SPATA25: variants seen among roughly 807,000 people sequenced by gnomAD.
SPATA25 encodes spermatogenesis associated 25.
SPATA25 carries 16 observed loss-of-function variants against 16.0 expected under a neutral mutation model. The ratio of observed to expected loss-of-function variants is 1.00; its 90% CI spans 0.68 to 1.52. The LOEUF (loss-of-function observed/expected upper bound fraction) is 1.52. Ranked by LOEUF, SPATA25 falls within the 40% of genes most tolerant of loss-of-function variation. SPATA25 has a pLI of 0.00. For synonymous variants in SPATA25, 115 were observed against 118.5 expected, an observed-to-expected ratio of 0.97 and a Z score of 0.19; for missense variants, 285 against 289.2, an observed-to-expected ratio of 0.99 and a Z score of 0.11.
chr20:45,888,957 C>T, upstream of SPATA25: 1 of 1,527,100 alleles, frequency 6.5e-7, no homozygotes. Flanking sequence ...TCATGGTCCC[C>T]ACTTTGTCAT....
At position 45,887,044 on chromosome 20, in the gene SPATA25, G is replaced by C; in HGVS notation, c.157C>G (p.Gln53Glu). 1.2e-6 allele frequency: 2 copies of C among 1,611,168 alleles called. No homozygotes were observed. Among genetic ancestry groups the C allele is most frequent in the Non-Finnish European group, 1.7e-6 (2 of 1,180,012 alleles). ...CAGGCCTGGGCAGCAGGTGCCACCT[G>C]CTCAGCTTTCTGGCTCAGTGGGCCT... ...GTGPLSQKAE[Q>E]VAPAAQAWGP... Residue 53 changes from glutamine (Q) to glutamate (E), a missense_variant, in exon 2 of 2, where the codon CAG becomes GAG. Physicochemically the swap from Gln to Glu is conservative, Grantham distance 29 (BLOSUM62 2). Coordinates refer to ENST00000372519, the MANE Select transcript of SPATA25 (RefSeq NM_080608.4).
At chr20:45,890,450 A>C, upstream of SPATA25, 1 of 1,607,126 alleles carries the variant, frequency 6.2e-7, no homozygotes, top group Non-Finnish European at 8.5e-7. Context: ...GGTCGGAGGC[A>C]GCACGTTCAG....
chr20:45,887,497 C>G (rs1428353246), intron 1 of SPATA25, 39 bp downstream of exon 1: 2 of 1,602,596 alleles, frequency 1.2e-6, no homozygotes, highest in Non-Finnish European at 8.5e-7. Context: ...TCAGGGGAAG[C>G]TGCCGCACTC....
chr20:45,889,357 C>CTTT (rs10709455), upstream of SPATA25, among the ~76,000 whole-genome samples: 155 of 145,736 alleles, frequency 1.1e-3, no homozygotes, highest in African/African-American at 3.8e-3. Context: ...TCTTTTCTTT[C>CTTT]TTTTTTTTTT....
upstream of SPATA25, chr20:45,890,156 G>A (rs1227386103): frequency 7.9e-6 from 11 of 1,388,870 alleles, no homozygotes; most frequent in Admixed American, 5.3e-5. Context: ...AACTAGTGCC[G>A]GACAGACGAA....
At chr20:45,890,589 G>A (rs1159549952), upstream of SPATA25, 1 of 1,612,472 alleles carries the variant, frequency 6.2e-7, no homozygotes, top group South Asian at 1.1e-5. Flanking sequence ...GGTCGGCTGG[G>A]GGCCGCTGCC....
rs766872004 is a variant in SPATA25 at position 45,886,633 on chromosome 20, C to G, written c.568G>C (p.Glu190Gln). The G allele has an allele frequency of 6.2e-7, 1 of 1,614,078 alleles. No individual in the cohort carries two copies. Residue 190 changes from glutamate (E) to glutamine (Q), a missense_variant, in exon 2 of 2, where the codon GAG becomes CAG. Physicochemically the swap from Glu to Gln is conservative, Grantham distance 29 (BLOSUM62 2). Transcript: ENST00000372519. Reference protein sequence around the residue: ...AAQAFMMAHPEPEGAVEGARW... With the variant: ...AAQAFMMAHPQPEGAVEGARW... ...GCCCCCTCCACAGCACCCTCTGGCT[C>G]CGGATGGGCCATCATGAAAGCTTGA...
chr20:45,890,707 G>T (rs771151561), upstream of SPATA25: 2 of 1,613,732 alleles, frequency 1.2e-6, no homozygotes, highest in Admixed American at 3.3e-5. Flanking sequence ...ACTCGGGAAC[G>T]GGGGCCAGAC....
upstream of SPATA25, chr20:45,890,733 C>A: frequency 6.2e-7 from 1 of 1,613,282 alleles, no homozygotes; most frequent in African/African-American, 1.3e-5. Context: ...GGGTCCAGCG[C>A]GGTCAGACCG....
upstream of SPATA25, chr20:45,888,996 T>G: frequency 8.9e-7 from 1 of 1,122,130 alleles, no homozygotes; most frequent in East Asian, 2.6e-5. Flanking sequence ...TACTGCTCTC[T>G]GGGCCCAGCC....
In SPATA25 at chr20:45,887,002, T is replaced by C. The variant is rs148222282; in HGVS notation, c.199A>G (p.Met67Val). The C allele has an allele frequency of 6.2e-7, 1 of 1,613,626 alleles. No homozygotes were observed. The highest frequency in any genetic ancestry group is 1.1e-5 in the South Asian group (1 of 91,084). The change falls in exon 2 of 2, where the codon ATG becomes GTG. Residue 67 changes from methionine to valine, a missense_variant. Physicochemically the swap from Met to Val is conservative, Grantham distance 21 (BLOSUM62 1). Coordinates refer to ENST00000372519, the MANE Select transcript of SPATA25 (RefSeq NM_080608.4). Reference sequence around the variant, plus strand: ...CCAGGGCAGCCCCTGGCTTGTGGCATTGCCAGGGCTGGGCCCCAGGCCTGG... The same window carrying C: ...CCAGGGCAGCCCCTGGCTTGTGGCACTGCCAGGGCTGGGCCCCAGGCCTGG... ...AAQAWGPALA[M>V]PQARGCPGGT...
Position 45,886,551 on chromosome 20 carries a change from G to A in SPATA25, c.650C>T (p.Ser217Phe). ...TASGKMPLVR[S>F]KRGQPPGSCL ...GGAGCCAGGAGGCTGGCCCCTTTTA[G>A]ATCTCACTAGGGGCATCTTCCCAGA... The change falls in exon 2 of 2, where the codon TCT (serine) becomes TTT (phenylalanine). Residue 217 changes from serine (S) to phenylalanine (F), a missense_variant. Ser to Phe is a radical substitution (Grantham distance 155). Coordinates refer to ENST00000372519, the MANE Select transcript of SPATA25 (RefSeq NM_080608.4). 6.3e-7 allele frequency: 1 copy of A among 1,593,208 alleles called. No homozygotes were observed. Among genetic ancestry groups the A allele is most frequent in the Non-Finnish European group, 8.6e-7 (1 of 1,165,802 alleles).
chr20:45,889,318 A>G (rs1343471891), upstream of SPATA25, among the ~76,000 whole-genome samples: 1 of 152,042 alleles, frequency 6.6e-6, no homozygotes, highest in Non-Finnish European at 1.5e-5. Flanking sequence ...CCAATAGCCA[A>G]TATGCCCAAG....
In SPATA25 at chr20:45,887,147, T is replaced by C. The variant is rs938043298; in HGVS notation, c.56-2A>G. On this transcript the variant is annotated splice_acceptor_variant, in intron 1 of 1. Transcript: ENST00000372519. LOFTEE classifies it high-confidence loss of function. ...ACAAGCCTGGAGAAGCAGCCCCACCTGCAGAGACAGGAATGAAATGGAACG... is the reference window on the plus strand; with the variant it reads ...ACAAGCCTGGAGAAGCAGCCCCACCCGCAGAGACAGGAATGAAATGGAACG... The C allele has an allele frequency of 3.2e-6, 5 of 1,577,370 alleles. No homozygotes were observed. In the Admixed American group the frequency reaches 5.3e-5, roughly 17 times the overall value.
chr20:45,889,357 CT>C (rs10709455), upstream of SPATA25, among the ~76,000 whole-genome samples: 19,451 of 145,220 alleles, frequency 0.13, 1,833 homozygotes, highest in African/African-American at 0.26. Context: ...TCTTTTCTTT[CT>C]TTTTTTTTTT....
chr20:45,888,921 T>C (rs1165950082), upstream of SPATA25: 1 of 1,610,026 alleles, frequency 6.2e-7, no homozygotes, highest in Admixed American at 1.7e-5. Flanking sequence ...AGGGTGGGTC[T>C]GAGGCCAAGA....
chr20:45,888,697 A>G, upstream of SPATA25: 1 of 1,567,804 alleles, frequency 6.4e-7, no homozygotes, highest in Non-Finnish European at 8.7e-7. Flanking sequence ...CCAACTTCGG[A>G]CCAGCCAGCC....
At position 45,886,768 on chromosome 20, in the gene SPATA25, C is replaced by T. The variant is rs1344616797; in HGVS notation, c.433G>A (p.Glu145Lys). The T allele has an allele frequency of 6.2e-7, 1 of 1,614,046 alleles. No individual in the cohort carries two copies. The highest frequency in any genetic ancestry group is 8.5e-7 in the Non-Finnish European group (1 of 1,180,044). The change falls in exon 2 of 2, where the codon GAG (glutamate) becomes AAG (lysine). Residue 145 changes from glutamate to lysine, a missense_variant. Physicochemically the swap from Glu to Lys is moderately conservative, Grantham distance 56 (BLOSUM62 1). Transcript: ENST00000372519. ...LPVPSEAVGK[E>K]ASSQPDICIL... ...CAGATATCAGGCTGGGAGCTGGCCTCCTTCCCCACTGCCTCAGAGGGTACC... is the reference window on the plus strand; with the variant it reads ...CAGATATCAGGCTGGGAGCTGGCCTTCTTCCCCACTGCCTCAGAGGGTACC...
In SPATA25 at chr20:45,887,545, A is replaced by G. The variant is rs1395461060; in HGVS notation, c.46T>C (p.Ser16Pro). Residue 16 changes from serine (S) to proline (P), a missense_variant, in exon 1 of 2, where the codon TCC becomes CCC. Coordinates refer to ENST00000372519, the MANE Select transcript of SPATA25 (RefSeq NM_080608.4). Reference sequence around the variant, plus strand: ...GGTGCCCCCCGCTCACCTTGGCCGGAAGGCAGAGGACCTGGATGAGTTTGT... The same window carrying G: ...GGTGCCCCCCGCTCACCTTGGCCGGGAGGCAGAGGACCTGGATGAGTTTGT... ...TPQTHPGPLPSGQGGAASPGL... is the reference protein window; with the variant it reads ...TPQTHPGPLPPGQGGAASPGL... 6.2e-7 allele frequency: 1 copy of G among 1,613,648 alleles called. No individual in the cohort carries two copies. Among genetic ancestry groups the G allele is most frequent in the East Asian group, 2.2e-5 (1 of 44,858 alleles).
Sources: gnomAD v4.1 joint callset for allele counts (sites outside exome capture counted in the v4.1 genomes callset) on GRCh38, gnomAD v4.1.1 for gene constraint, MANE v1.5 for transcripts, NCBI Gene and HGNC (gene_info 2026-07-23, HGNC 2026-07-21) for gene names.